Variants in VAV3 observed in about 807,000 individuals in gnomAD.
The protein encoded by VAV3 is guanine nucleotide exchange factor VAV3.
Under a neutral mutation model 131.2 loss-of-function variants are expected in VAV3, and 94 were observed. The observed-to-expected ratio is 0.72, with a 90% confidence interval of 0.61 to 0.85. The LOEUF is 0.85. VAV3 is among the 40% of genes least tolerant of loss of function. The probability of loss-of-function intolerance (pLI) is 0.00; values close to 1 mark genes in which losing one functional copy is unlikely to be tolerated. For missense variants in VAV3, 939 were observed against 1,002.7 expected, an observed-to-expected ratio of 0.94 and a Z score of 0.86; for synonymous variants, 349 against 342.0, an observed-to-expected ratio of 1.02 and a Z score of -0.22.
chr1:107,656,745 A>T (rs1424809408), intron 19 of VAV3, among the ~76,000 whole-genome samples: 8 of 152,142 alleles, frequency 5.3e-5, no homozygotes, highest in Non-Finnish European at 1.2e-4. Flanking sequence ...CAATAAAAAT[A>T]AAAATATAAA....
chr1:107,718,880 C>A (rs992867176), intron 15 of VAV3, among the ~76,000 whole-genome samples: 1 of 152,146 alleles, frequency 6.6e-6, no homozygotes, highest in Non-Finnish European at 1.5e-5. Flanking sequence ...TGGAACAGAA[C>A]AGAGGCCACA....
At chr1:107,748,190 C>A (rs557717604) in intron 15 of VAV3, among the ~76,000 whole-genome samples, 1 of 152,218 alleles carries the variant, frequency 6.6e-6, no homozygotes, top group South Asian at 2.1e-4. Flanking sequence ...AATCTTAGAA[C>A]CCAAATGAAA....
chr1:107,603,953 G>A (rs1652070162), intron 22 of VAV3, among the ~76,000 whole-genome samples: 2 of 151,958 alleles, frequency 1.3e-5, no homozygotes, highest in Non-Finnish European at 2.9e-5. Flanking sequence ...CACCGGTGTG[G>A]TTGATATTTT....
intron 15 of VAV3, among the ~76,000 whole-genome samples, chr1:107,710,798 G>A (rs1660739579): frequency 6.6e-6 from 1 of 151,906 alleles, no homozygotes; most frequent in African/African-American, 2.4e-5. Flanking sequence ...TCAAATATGT[G>A]AAACAATTTA....
chr1:107,942,970 G>A (rs1674073904), intron 1 of VAV3, among the ~76,000 whole-genome samples: 1 of 152,142 alleles, frequency 6.6e-6, no homozygotes, highest in South Asian at 2.1e-4. Flanking sequence ...TCTTGTAGAG[G>A]AACTTCTGTT....
intron 2 of VAV3, among the ~76,000 whole-genome samples, chr1:107,821,694 G>A (rs1302169731): frequency 6.6e-6 from 1 of 152,216 alleles, no homozygotes; most frequent in East Asian, 1.9e-4. Context: ...CAGCTGGGGA[G>A]TGCACAGTGT....
At chr1:107,873,232 C>T (rs944881144) in intron 2 of VAV3, among the ~76,000 whole-genome samples, 3 of 152,084 alleles carry the variant, frequency 2.0e-5, no homozygotes, top group Admixed American at 6.6e-5. Context: ...ACAAAGCTTC[C>T]GTTGTCTAAT....
rs770856548 is a variant in VAV3 at position 107,712,158 on chromosome 1, A to AT, written c.1503-7098dup. ...CGCACACTTATAAATATACAATGAGATTTTTTTAACTTGACAAATGATTAT... is the reference window on the plus strand; with the variant it reads ...CGCACACTTATAAATATACAATGAGATTTTTTTTAACTTGACAAATGATTAT... On this transcript the variant is annotated intron_variant, in intron 15 of 26. Transcript: ENST00000370056. Among the ~76,000 whole-genome samples the AT allele has an allele frequency of 7.2e-5, 11 of 152,176 alleles. No individual in the cohort carries two copies. In the East Asian group the frequency reaches 1.2e-3, roughly 16 times the overall value.
At chr1:107,904,016 C>T (rs1671991739) in intron 1 of VAV3, among the ~76,000 whole-genome samples, 1 of 152,132 alleles carries the variant, frequency 6.6e-6, no homozygotes, top group African/African-American at 2.4e-5. Context: ...TCCTTGGCTT[C>T]TTCCTGGCTA....
At chr1:107,672,708 G>A (rs1294528516) in intron 19 of VAV3, among the ~76,000 whole-genome samples, 3 of 151,992 alleles carry the variant, frequency 2.0e-5, no homozygotes, top group African/African-American at 4.8e-5. Flanking sequence ...AATAGAAAGA[G>A]GGAGTAAGCA....
At chr1:107,785,547 G>A (rs551960309) in intron 2 of VAV3, 112 of 1,263,486 alleles carry the variant, frequency 8.9e-5, no homozygotes, top group Non-Finnish European at 1.1e-4. Flanking sequence ...AGGGGTCCAC[G>A]GCATCACACC....
chr1:107,755,637 A>T (rs1448937074), intron 11 of VAV3, 124 bp from the exon 12 acceptor site: 7 of 659,614 alleles, frequency 1.1e-5, no homozygotes, highest in African/African-American at 1.8e-5. Flanking sequence ...CTTTTCAAAG[A>T]CAGTAAAATG....
chr1:107,627,081 G>T (rs1366301096), intron 20 of VAV3, among the ~76,000 whole-genome samples: 2 of 152,202 alleles, frequency 1.3e-5, no homozygotes, highest in African/African-American at 4.8e-5. Context: ...TGGAGGGAAA[G>T]ATCTACTAAC....
At chr1:107,900,997 C>T (rs1268197580) in intron 1 of VAV3, among the ~76,000 whole-genome samples, 1 of 152,186 alleles carries the variant, frequency 6.6e-6, no homozygotes, top group Non-Finnish European at 1.5e-5. Flanking sequence ...GTGTCACCCA[C>T]TTCCACATAA....
chr1:107,785,023 T>C (rs141188453), intron 2 of VAV3, among the ~76,000 whole-genome samples: 2 of 152,334 alleles, frequency 1.3e-5, no homozygotes, highest in East Asian at 3.9e-4. Flanking sequence ...ATTTTTTTCA[T>C]CCCTTAGTTA....
intron 2 of VAV3, among the ~76,000 whole-genome samples, chr1:107,840,973 G>A (rs1465463182): frequency 6.6e-6 from 1 of 152,066 alleles, no homozygotes; most frequent in African/African-American, 2.4e-5. Flanking sequence ...GGGAAGGCTG[G>A]AGGCAGTGAG....
At chr1:107,885,078 C>T (rs973272223) in intron 1 of VAV3, among the ~76,000 whole-genome samples, 3 of 152,064 alleles carry the variant, frequency 2.0e-5, no homozygotes, top group African/African-American at 7.2e-5. Flanking sequence ...ACTGCCTGCC[C>T]TTCCAAGGCA....
intron 19 of VAV3, among the ~76,000 whole-genome samples, chr1:107,677,324 T>C (rs1658281698): frequency 1.3e-5 from 2 of 152,330 alleles, no homozygotes; most frequent in South Asian, 4.1e-4. Flanking sequence ...AAAGTCAATA[T>C]GTTTTGACCC....
intron 9 of VAV3, among the ~76,000 whole-genome samples, chr1:107,763,455 T>C (rs1418619424): frequency 6.6e-6 from 1 of 152,236 alleles, no homozygotes; most frequent in African/African-American, 2.4e-5. Context: ...GGGAGCACAA[T>C]TTTATATCTT....
Sources: allele counts gnomAD v4.1 joint callset (sites outside exome capture counted in the v4.1 genomes callset), GRCh38; gene constraint gnomAD v4.1.1; transcripts MANE v1.5; gene names NCBI Gene and HGNC (gene_info 2026-07-23, HGNC 2026-07-21).